Variants in ERC2 observed in about 807,000 individuals in gnomAD.
ERC2 encodes ELKS/RAB6-interacting/CAST family member 2.
In ERC2, 42 loss-of-function variants were observed where a neutral mutation model predicts 114.8. The ratio of observed to expected loss-of-function variants is 0.37; its 90% CI spans 0.29 to 0.47. ERC2 has a LOEUF of 0.47. Among genes scored for constraint, ERC2 ranks in the 20% least tolerant of loss-of-function variants. The probability of loss-of-function intolerance (pLI) is 0.99; values close to 1 mark genes in which losing one functional copy is unlikely to be tolerated. For synonymous variants in ERC2, 454 were observed against 425.5 expected (o/e 1.07, Z -0.82); for missense variants, 939 against 1,150.7 (o/e 0.82, Z 2.66).
chr3:56,007,210 A>G lies in ERC2; in HGVS notation c.2032T>C (p.Cys678Arg). Reference protein sequence around the residue: ...EIAIEQKKEECSKLEAQLKKA... With the variant: ...EIAIEQKKEERSKLEAQLKKA... ...TTTAACTGTGCTTCCAATTTGCTAC[A>G]TTCCTCTTTCTTTTGTTCAATGGCT... The change falls in exon 10 of 18, where the codon TGT (cysteine) becomes CGT (arginine). Residue 678 changes from cysteine to arginine, a missense_variant. By Grantham distance (180) the Cys-to-Arg change is radical. Transcript: ENST00000288221. 2 of 1,575,458 alleles carry G rather than the reference A, an allele frequency of 1.3e-6. No individual in the cohort carries two copies. Among genetic ancestry groups the G allele is most frequent in the Non-Finnish European group, 1.7e-6 (2 of 1,158,998 alleles).
chr3:55,920,446 A>ACACACCCCC lies in ERC2; in HGVS notation c.2403+29978_2403+29979insGGGGGTGTG, dbSNP rs57638674. Among the ~76,000 whole-genome samples, 965 of 145,500 alleles carry ACACACCCCC rather than the reference A, an allele frequency of 6.6e-3. 3 individuals carry two copies. The highest frequency in any genetic ancestry group is 0.011 in the East Asian group (53 of 4,778). ...CACACACACACACACACACACACAC[A>ACACACCCCC]CCCCAAGTGAGAAGGATATTGCTAA... On this transcript the variant is annotated intron_variant, in intron 13 of 17. Transcript: ENST00000288221.
intron 3 of ERC2, among the ~76,000 whole-genome samples, chr3:56,239,094 C>A (rs752828060): frequency 1.3e-5 from 2 of 152,192 alleles, no homozygotes; most frequent in African/African-American, 2.4e-5. Flanking sequence ...CAGTTTATCA[C>A]ACTCTAATGA....
intron 17 of ERC2, among the ~76,000 whole-genome samples, chr3:55,523,167 C>T (rs2053078551): frequency 6.6e-6 from 1 of 152,204 alleles, no homozygotes; most frequent in Non-Finnish European, 1.5e-5. Flanking sequence ...TCCGGGGGCA[C>T]CCTTGAAGCC....
chr3:56,246,161 A>G (rs1456662018), intron 3 of ERC2, among the ~76,000 whole-genome samples: 1 of 151,158 alleles, frequency 6.6e-6, no homozygotes, highest in Non-Finnish European at 1.5e-5. Context: ...GGGTGATTTA[A>G]TATTTCAGCT....
intron 2 of ERC2, among the ~76,000 whole-genome samples, chr3:56,377,100 A>G (rs952200927): frequency 6.6e-6 from 1 of 152,210 alleles, no homozygotes; most frequent in South Asian, 2.1e-4. Context: ...TTAGAGGCCC[A>G]ATGTTAATAT....
At chr3:56,059,206 T>C (rs2076144043) in intron 7 of ERC2, among the ~76,000 whole-genome samples, 1 of 152,102 alleles carries the variant, frequency 6.6e-6, no homozygotes, top group South Asian at 2.1e-4. Flanking sequence ...TTCTCCTGTC[T>C]CAGCCTCCTG....
At chr3:56,332,417 A>G (rs2057667327) in intron 2 of ERC2, among the ~76,000 whole-genome samples, 6 of 152,316 alleles carry the variant, frequency 3.9e-5, no homozygotes, top group Middle Eastern at 6.8e-3. Context: ...TATCAGTTCT[A>G]TGAGTTGGCT....
chr3:56,205,547 A>G (rs1304837099), intron 3 of ERC2, among the ~76,000 whole-genome samples: 3 of 152,186 alleles, frequency 2.0e-5, no homozygotes, highest in African/African-American at 4.8e-5. Flanking sequence ...ATCTTTTACA[A>G]TGTTGATTCT....
intron 8 of ERC2, among the ~76,000 whole-genome samples, chr3:56,011,578 T>C (rs1322655434): frequency 6.6e-6 from 1 of 151,046 alleles, no homozygotes; most frequent in Admixed American, 6.6e-5. Context: ...AAATAGGGAA[T>C]CTGCCTGATA....
chr3:55,513,429 G>A (rs1353547383), intron 17 of ERC2, among the ~76,000 whole-genome samples: 1 of 152,082 alleles, frequency 6.6e-6, no homozygotes, highest in African/African-American at 2.4e-5. Flanking sequence ...TATCTAACAT[G>A]ATTTACACCA....
intron 17 of ERC2, among the ~76,000 whole-genome samples, chr3:55,534,427 C>T (rs1323161382): frequency 2.0e-5 from 3 of 148,080 alleles, no homozygotes; most frequent in African/African-American, 7.4e-5. Flanking sequence ...GGCTTGGTGG[C>T]TCCCGCCTGT....
intron 5 of ERC2, among the ~76,000 whole-genome samples, chr3:56,147,980 T>C (rs553400903): frequency 6.6e-6 from 1 of 152,184 alleles, no homozygotes; most frequent in Non-Finnish European, 1.5e-5. Context: ...TATAAACTAA[T>C]AGAGCAGGTT....
intron 12 of ERC2, among the ~76,000 whole-genome samples, chr3:55,956,430 ACT>A (rs2067959453): frequency 7.1e-6 from 1 of 141,286 alleles, no homozygotes; most frequent in Non-Finnish European, 1.5e-5. Context: ...ACTTGTAACC[ACT>A]GAGATTATTT....
intron 3 of ERC2, among the ~76,000 whole-genome samples, chr3:56,195,492 C>CGTGTGCGT (rs2048040533): frequency 1.7e-5 from 1 of 60,540 alleles, no homozygotes; most frequent in South Asian, 7.0e-4. Flanking sequence ...TTTGTGTGTG[C>CGTGTGCGT]GTGTGTGCGT....
At chr3:55,539,411 C>CTTTTTTTTT (rs1559619170) in intron 17 of ERC2, among the ~76,000 whole-genome samples, 10 of 49,046 alleles carry the variant, frequency 2.0e-4, no homozygotes, top group African/African-American at 3.0e-4. Flanking sequence ...CTCTTTTTTT[C>CTTTTTTTTT]TTTCTTTTTT....
intron 3 of ERC2, among the ~76,000 whole-genome samples, chr3:56,269,340 G>A (rs577224048): frequency 1.2e-4 from 19 of 152,286 alleles, no homozygotes; most frequent in African/African-American, 4.6e-4. Flanking sequence ...TAAACTCACT[G>A]GCACCACAAC....
At chr3:55,737,659 G>A (rs1303667459) in intron 14 of ERC2, among the ~76,000 whole-genome samples, 1 of 152,184 alleles carries the variant, frequency 6.6e-6, no homozygotes, top group Non-Finnish European at 1.5e-5. Context: ...CATCTTTACA[G>A]ACATATGCAG....
At chr3:55,691,830 T>C (rs1000916089) in intron 16 of ERC2, among the ~76,000 whole-genome samples, 19 of 151,918 alleles carry the variant, frequency 1.3e-4, no homozygotes, top group African/African-American at 4.6e-4. Context: ...TACATATATA[T>C]GTATATATAA....
At chr3:55,708,998 A>G (rs1576243818) in intron 15 of ERC2, among the ~76,000 whole-genome samples, 1 of 152,368 alleles carries the variant, frequency 6.6e-6, no homozygotes, top group East Asian at 1.9e-4. Flanking sequence ...TGTGCTGACA[A>G]GTGAAGACAA....
Sources: gnomAD v4.1 joint callset for allele counts (sites outside exome capture counted in the v4.1 genomes callset) on GRCh38, gnomAD v4.1.1 for gene constraint, MANE v1.5 for transcripts, NCBI Gene and HGNC (gene_info 2026-07-23, HGNC 2026-07-21) for gene names.